Variants in SLC4A8 observed in about 807,000 individuals in gnomAD.
The protein encoded by SLC4A8 is electroneutral sodium bicarbonate exchanger 1.
SLC4A8 carries 40 observed loss-of-function variants against 125.0 expected under a neutral mutation model. That is an observed-to-expected ratio of 0.32 (90% CI 0.25 to 0.42). SLC4A8 has a LOEUF of 0.42. SLC4A8 is among the 10% of genes least tolerant of loss of function. The pLI, the probability that SLC4A8 is intolerant of heterozygous loss-of-function variation, is 1.00. For missense variants in SLC4A8, 863 were observed against 1,355.1 expected (o/e 0.64, Z 5.70); for synonymous variants, 456 against 476.0 (o/e 0.96, Z 0.55).
rs527750642 is a variant in SLC4A8, at chr12:51,407,130, G to T, written c.-112+15642G>T. Among the ~76,000 whole-genome samples the T allele has an allele frequency of 9.2e-5, 14 of 152,302 alleles. 1 individual carries two copies. The South Asian group carries it at 2.1e-3, about 23-fold the overall frequency. On this transcript the variant is annotated intron_variant, in intron 1 of 24. Coordinates refer to the SLC4A8 transcript ENST00000358657. ...TTCCAAGATGGTGCCTTGTTGCTGTGTCCCGGCATGGAGGGAGGCAGAAGG... is the reference window on the plus strand; with the variant it reads ...TTCCAAGATGGTGCCTTGTTGCTGTTTCCCGGCATGGAGGGAGGCAGAAGG...
At position 51,474,386 on chromosome 12, in the gene SLC4A8, A is replaced by T; in HGVS notation, c.1949A>T (p.Gln650Leu). 1 of 1,611,910 alleles carries T rather than the reference A, an allele frequency of 6.2e-7. No individual in the cohort carries two copies. Among genetic ancestry groups the T allele is most frequent in the Non-Finnish European group, 8.5e-7 (1 of 1,178,240 alleles). ...LPENPNNHTL[Q>L]YWKDHNIVTA... ...GAGAATCCAAACAATCACACCCTCC[A>T]GTACTGGAAGGACCACAACATCGTG... The change falls in exon 15 of 25, where the codon CAG (glutamine) becomes CTG (leucine). Residue 650 changes from glutamine to leucine, a missense_variant. This residue lies in a region of SLC4A8 where 76 missense variants were observed against 80.2 expected (regional missense o/e 0.95). Transcript: ENST00000453097.
chr12:51,450,372 T>G (rs1344537957), intron 2 of SLC4A8, among the ~76,000 whole-genome samples: 2 of 152,228 alleles, frequency 1.3e-5, no homozygotes, highest in African/African-American at 2.4e-5. Flanking sequence ...TTCTTAAAGA[T>G]GAGTCACAGA....
rs751994653 is a variant in SLC4A8 at position 51,453,596 on chromosome 12, T to C, written c.471T>C (p.Tyr157=). ...GGGGAGAACGCTGGAGCAAGCCTTA[T>C]GTGGCAACCCTTTCATTGCACAGCC... is the stretch of plus-strand genomic sequence containing the variant. The part of the protein sequence containing the change: ...EDGGERWSKP[Y]VATLSLHSLF... The change falls in exon 5 of 25, where the codon TAT becomes TAC. Residue 157 remains tyrosine, a synonymous_variant. Transcript: ENST00000453097. 31 of 1,614,126 alleles carry C rather than the reference T, an allele frequency of 1.9e-5. No individual in the cohort carries two copies. Among genetic ancestry groups the C allele is most frequent in the Non-Finnish European group, 2.2e-5 (26 of 1,180,038 alleles).
At chr12:51,458,735 G>C in intron 7 of SLC4A8, 85 bp downstream of exon 7, 1 of 921,598 alleles carries the variant, frequency 1.1e-6, no homozygotes, top group South Asian at 1.4e-5. Context: ...ATCTGGGTAA[G>C]GTTTAGTGTT....
intron 8 of SLC4A8, among the ~76,000 whole-genome samples, chr12:51,460,737 G>A (rs146658715): frequency 6.6e-6 from 1 of 152,348 alleles, no homozygotes; most frequent in African/African-American, 2.4e-5. Flanking sequence ...AGGTGGTGAT[G>A]CTGGTGATTC....
At chr12:51,491,428 G>T (rs576086448) in intron 19 of SLC4A8, among the ~76,000 whole-genome samples, 20 of 152,104 alleles carry the variant, frequency 1.3e-4, no homozygotes, top group Non-Finnish European at 2.1e-4. Flanking sequence ...AAAACTAGGG[G>T]GATGTGGTAT....
chr12:51,439,351 C>T (rs1045531783), intron 1 of SLC4A8, among the ~76,000 whole-genome samples: 7 of 152,094 alleles, frequency 4.6e-5, no homozygotes, highest in African/African-American at 7.2e-5. Context: ...CCACCATGCC[C>T]GGCCAAGACA....
chr12:51,444,974 G>T (rs1006875632), intron 2 of SLC4A8, among the ~76,000 whole-genome samples: 1 of 152,194 alleles, frequency 6.6e-6, no homozygotes, highest in Non-Finnish European at 1.5e-5. Flanking sequence ...GAGAAGTAGA[G>T]GTTCTAGCCT....
At chr12:51,421,144 G>T (rs1342057716), upstream of SLC4A8, among the ~76,000 whole-genome samples, 1 of 152,124 alleles carries the variant, frequency 6.6e-6, no homozygotes, top group Non-Finnish European at 1.5e-5. Context: ...CTGTTCTGCT[G>T]TTTTTTTCTG....
At chr12:51,453,082 A>G (rs2138195502) in intron 4 of SLC4A8, among the ~76,000 whole-genome samples, 1 of 152,374 alleles carries the variant, frequency 6.6e-6, no homozygotes, top group East Asian at 1.9e-4. Context: ...TCTAAAGGTC[A>G]CACAGGACAA....
chr12:51,428,145 C>T (rs759650479), intron 1 of SLC4A8, among the ~76,000 whole-genome samples: 16 of 152,168 alleles, frequency 1.1e-4, no homozygotes, highest in Non-Finnish European at 1.8e-4. Flanking sequence ...TTACCCAGGC[C>T]TTCTCATGAT....
chr12:51,398,530 CTGCTCAAAATTA>C (rs1948310026), intron 1 of SLC4A8, among the ~76,000 whole-genome samples: 1 of 152,156 alleles, frequency 6.6e-6, no homozygotes. Context: ...AGAGCTTTTT[CTGCTCAAAATTA>C]TGATTTCTTA....
chr12:51,463,928 G>A (rs1159813525), intron 11 of SLC4A8, among the ~76,000 whole-genome samples: 2 of 152,038 alleles, frequency 1.3e-5, no homozygotes, highest in East Asian at 3.9e-4. Context: ...ACCATGTTTT[G>A]TCTCACCTCC....
At chr12:51,405,521 G>A (rs78546080) in intron 1 of SLC4A8, among the ~76,000 whole-genome samples, 9,135 of 152,142 alleles carry the variant, frequency 0.06, 379 homozygotes, top group Non-Finnish European at 0.091. Context: ...AAATAATACC[G>A]CTGTAAACCC....
At chr12:51,434,455 G>A (rs1385463916) in intron 1 of SLC4A8, among the ~76,000 whole-genome samples, 1 of 152,148 alleles carries the variant, frequency 6.6e-6, no homozygotes, top group African/African-American at 2.4e-5. Flanking sequence ...TCACATTCAA[G>A]CCTGACCTTT....
chr12:51,435,854 AT>A (rs1949390659), intron 1 of SLC4A8, among the ~76,000 whole-genome samples: 1 of 151,986 alleles, frequency 6.6e-6, no homozygotes, highest in Non-Finnish European at 1.5e-5. Context: ...TACCTTGTAC[AT>A]TTCCTGGCTG....
chr12:51,436,737 C>T (rs901580215), intron 1 of SLC4A8, among the ~76,000 whole-genome samples: 7 of 152,138 alleles, frequency 4.6e-5, no homozygotes, highest in Admixed American at 1.3e-4. Flanking sequence ...AGTGATTCTC[C>T]TGCCTCAGCC....
chr12:51,399,989 A>G (rs2137925398), intron 1 of SLC4A8, among the ~76,000 whole-genome samples: 1 of 152,070 alleles, frequency 6.6e-6, no homozygotes, highest in Middle Eastern at 3.4e-3. Flanking sequence ...TCAAAAAAAA[A>G]AAAAAAAAAA....
chr12:51,483,890 C>A (rs1293942142), intron 16 of SLC4A8, among the ~76,000 whole-genome samples: 1 of 152,012 alleles, frequency 6.6e-6, no homozygotes, highest in Non-Finnish European at 1.5e-5. Context: ...CCTCCCTGCT[C>A]CCCCCACCCC....
Sources: gnomAD v4.1 joint callset for allele counts (sites outside exome capture counted in the v4.1 genomes callset) on GRCh38, gnomAD v4.1.1 for gene constraint, gnomAD v4.1.1 regional missense constraint, MANE v1.5 for transcripts, NCBI Gene and HGNC (gene_info 2026-07-23, HGNC 2026-07-21) for gene names.